Variants in KCNH5 observed in about 807,000 individuals in gnomAD.
KCNH5 encodes the protein voltage-gated delayed rectifier potassium channel KCNH5.
Under a neutral mutation model 96.1 loss-of-function variants are expected in KCNH5, and 46 were observed. The observed-to-expected ratio is 0.48, with a 90% CI of 0.38 to 0.61. The LOEUF is 0.61. Ranked by LOEUF, KCNH5 falls within the 20% of genes least tolerant of loss-of-function variation. The probability of loss-of-function intolerance (pLI) is 0.00; values close to 1 mark genes in which losing one functional copy is unlikely to be tolerated. For missense variants in KCNH5, 907 were observed against 1,225.8 expected (o/e 0.74, Z 3.88); for synonymous variants, 439 against 449.8 (o/e 0.98, Z 0.30).
intron 6 of KCNH5, among the ~76,000 whole-genome samples, chr14:62,962,868 C>CA (rs982909912): frequency 6.6e-6 from 1 of 152,090 alleles, no homozygotes; most frequent in African/African-American, 2.4e-5. Context: ...AAGGTTTCAG[C>CA]AAAAAATAAC....
At chr14:62,952,803 C>T (rs1442580919) in intron 6 of KCNH5, among the ~76,000 whole-genome samples, 1 of 152,072 alleles carries the variant, frequency 6.6e-6, no homozygotes, top group African/African-American at 2.4e-5. Context: ...TGGGAAGACA[C>T]ACATCCCTCA....
chr14:62,911,123 T>C lies in KCNH5; in HGVS notation c.1369+39010A>G, dbSNP rs140383907. On this transcript the variant is annotated intron_variant, in intron 7 of 10. Coordinates refer to ENST00000322893, the MANE Select transcript of KCNH5 (RefSeq NM_139318.5). ...CACCTAGAACAGTACTCTAAAATAG[T>C]ATATACTTAAAAATATTTGTTGAGT... is the stretch of plus-strand genomic sequence containing the variant. 2.2e-4 allele frequency among the ~76,000 whole-genome samples: 33 copies of C among 152,224 alleles called. No individual in the cohort carries two copies. The East Asian group carries it at 6.0e-3, about 28-fold the overall frequency.
chr14:63,037,688 G>C (rs562672406), intron 1 of KCNH5, among the ~76,000 whole-genome samples: 1 of 152,150 alleles, frequency 6.6e-6, no homozygotes, highest in Admixed American at 6.6e-5. Context: ...TGAGTTGTTC[G>C]ATTTTTAGTT....
At chr14:62,962,712 A>G (rs192015173) in intron 6 of KCNH5, among the ~76,000 whole-genome samples, 57 of 152,320 alleles carry the variant, frequency 3.7e-4, no homozygotes, top group African/African-American at 1.2e-3. Flanking sequence ...TGTACAGACA[A>G]TAATGGACAG....
intron 3 of KCNH5, among the ~76,000 whole-genome samples, chr14:63,004,659 C>T (rs1216107278): frequency 6.6e-6 from 1 of 152,198 alleles, no homozygotes; most frequent in Non-Finnish European, 1.5e-5. Flanking sequence ...GGCTGGAATA[C>T]AGTAGCATGA....
chr14:62,824,033 A>G (rs1357475307), intron 8 of KCNH5, among the ~76,000 whole-genome samples: 2 of 152,110 alleles, frequency 1.3e-5, no homozygotes, highest in Non-Finnish European at 2.9e-5. Flanking sequence ...AAAAATCTGA[A>G]AACATCAAAC....
chr14:62,778,248 G>A (rs891595008), intron 10 of KCNH5, among the ~76,000 whole-genome samples: 19 of 152,180 alleles, frequency 1.2e-4, no homozygotes, highest in African/African-American at 4.6e-4. Context: ...AAGTCCTGCT[G>A]TCTGCCCTGT....
At chr14:62,884,120 G>C (rs1442345151) in intron 7 of KCNH5, among the ~76,000 whole-genome samples, 1 of 152,034 alleles carries the variant, frequency 6.6e-6, no homozygotes, top group Non-Finnish European at 1.5e-5. Flanking sequence ...CTCTGTGTTA[G>C]AATTTAAAAT....
intron 10 of KCNH5, among the ~76,000 whole-genome samples, chr14:62,720,298 A>G (rs1884779667): frequency 6.6e-6 from 1 of 152,122 alleles, no homozygotes. Flanking sequence ...GGGGAGGGGA[A>G]GTCATGGGAA....
chr14:62,974,189 C>G (rs180754967), intron 6 of KCNH5, among the ~76,000 whole-genome samples: 1 of 152,252 alleles, frequency 6.6e-6, no homozygotes, highest in East Asian at 1.9e-4. Context: ...TATCTTTTCC[C>G]AATTTCATTT....
chr14:63,003,052 C>T (rs7156115), intron 3 of KCNH5, among the ~76,000 whole-genome samples: 12,626 of 151,932 alleles, frequency 0.083, 729 homozygotes, highest in East Asian at 0.2. Context: ...GAGAAAAGGG[C>T]ACTAAAAAAA....
At chr14:62,989,515 T>C (rs1406178370) in intron 4 of KCNH5, among the ~76,000 whole-genome samples, 1 of 152,080 alleles carries the variant, frequency 6.6e-6, no homozygotes, top group Non-Finnish European at 1.5e-5. Flanking sequence ...CCCTCCCCCA[T>C]CTTTCTGGCT....
intron 7 of KCNH5, among the ~76,000 whole-genome samples, chr14:62,916,520 A>T (rs1159297103): frequency 6.6e-6 from 1 of 152,230 alleles, no homozygotes; most frequent in African/African-American, 2.4e-5. Context: ...CCCTGGTTCA[A>T]TGAAGCCTTT....
In KCNH5 at chr14:63,033,266, G is replaced by A. The variant is rs118051948; in HGVS notation, c.73+11848C>T. Among the ~76,000 whole-genome samples the A allele has an allele frequency of 3.5e-3, 538 of 152,230 alleles. 4 individuals are homozygous for A. The highest frequency in any genetic ancestry group is 0.014 in the Middle Eastern group (4 of 294). Reference sequence around the variant, plus strand: ...ACAGCCAGGCCCCTAACTGTCACTCGCCCTTATCTCCTGTCTTTCTTCTGG... The same window carrying A: ...ACAGCCAGGCCCCTAACTGTCACTCACCCTTATCTCCTGTCTTTCTTCTGG... On this transcript the variant is annotated intron_variant, in intron 1 of 10. Coordinates refer to ENST00000322893, the MANE Select transcript of KCNH5 (RefSeq NM_139318.5).
At chr14:62,936,920 G>T (rs1032183757) in intron 7 of KCNH5, among the ~76,000 whole-genome samples, 1 of 150,600 alleles carries the variant, frequency 6.6e-6, no homozygotes, top group African/African-American at 2.4e-5. Flanking sequence ...GGCAGAGGTT[G>T]GGGTGAGTGG....
intron 10 of KCNH5, among the ~76,000 whole-genome samples, chr14:62,745,047 T>TCCAGG (rs1885347894): frequency 2.0e-5 from 3 of 152,212 alleles, no homozygotes; most frequent in Non-Finnish European, 4.4e-5. Context: ...CCTCTACATT[T>TCCAGG]TGCTTTGACC....
intron 6 of KCNH5, among the ~76,000 whole-genome samples, chr14:62,958,323 T>C (rs1890144645): frequency 6.6e-6 from 1 of 152,212 alleles, no homozygotes; most frequent in African/African-American, 2.4e-5. Flanking sequence ...AAACTTAACA[T>C]CACCTTGGGT....
At chr14:62,846,958 G>A (rs1437742715) in intron 8 of KCNH5, among the ~76,000 whole-genome samples, 43 of 148,270 alleles carry the variant, frequency 2.9e-4, no homozygotes, top group Non-Finnish European at 1.0e-4. Flanking sequence ...CCGCCAGCAC[G>A]CCCGGCTAAT....
intron 2 of KCNH5, among the ~76,000 whole-genome samples, chr14:63,014,476 T>G (rs1891286988): frequency 6.6e-6 from 1 of 152,104 alleles, no homozygotes; most frequent in African/African-American, 2.4e-5. Flanking sequence ...AAAGAGCTAA[T>G]ATAACACACC....
Sources: gnomAD v4.1 joint callset for allele counts (sites outside exome capture counted in the v4.1 genomes callset) on GRCh38, gnomAD v4.1.1 for gene constraint, MANE v1.5 for transcripts, NCBI Gene and HGNC (gene_info 2026-07-23, HGNC 2026-07-21) for gene names.